DLGAP1: variants seen among roughly 807,000 people sequenced by gnomAD.
DLGAP1 encodes the protein DLG associated protein 1, also known as disks large-associated protein 1.
DLGAP1 carries 11 observed loss-of-function variants against 90.8 expected under a neutral mutation model. The ratio of observed to expected loss-of-function variants is 0.12; its 90% CI spans 0.08 to 0.20. The LOEUF is 0.20. DLGAP1 is among the 10% of genes least tolerant of loss of function. The pLI is 1.00. For missense variants in DLGAP1, 1,050 were observed against 1,333.8 expected (o/e 0.79, Z 3.31); for synonymous variants, 558 against 540.7 (o/e 1.03, Z -0.44).
rs1480972380 is a variant in DLGAP1, at chr18:3,879,487, C to T, written c.582G>A (p.Arg194=). 6.2e-7 allele frequency: 1 copy of T among 1,604,682 alleles called. No homozygotes were observed. ...TCCACCAGCCCGGGGAGGTGCTGGG[C>T]CGGGCCTTGGGCTCCGCGCGCCGCT... is the stretch of plus-strand genomic sequence containing the variant. ...SKERRAEPKA[R]PSTSPGWWSS... The change falls in exon 4 of 13, where the codon CGG becomes CGA. Residue 194 remains arginine (R), a synonymous_variant. Transcript: ENST00000315677. The surrounding 1 kb of genome is among the most constrained non-coding windows in gnomAD (Gnocchi z 6.6).
At chr18:3,507,742 T>TTG (rs1272797494) in intron 11 of DLGAP1, among the ~76,000 whole-genome samples, 29 of 141,682 alleles carry the variant, frequency 2.0e-4, no homozygotes, top group African/African-American at 7.3e-4. Context: ...GAAGGTTTTT[T>TTG]TTTTTTTTTT....
At chr18:4,014,126 C>T (rs2074479808) in intron 2 of DLGAP1, among the ~76,000 whole-genome samples, 1 of 146,010 alleles carries the variant, frequency 6.8e-6, no homozygotes, top group Non-Finnish European at 1.5e-5. Flanking sequence ...ACTCTTGTCG[C>T]CCAGGCTGGA....
chr18:4,013,182 G>T (rs985958836), intron 2 of DLGAP1, among the ~76,000 whole-genome samples: 2 of 152,022 alleles, frequency 1.3e-5, no homozygotes, highest in East Asian at 3.8e-4. Flanking sequence ...GTGCTGTTGG[G>T]GTACCTCAAA....
At chr18:4,044,753 A>C (rs1201111385) in intron 2 of DLGAP1, among the ~76,000 whole-genome samples, 1 of 152,160 alleles carries the variant, frequency 6.6e-6, no homozygotes, top group Non-Finnish European at 1.5e-5. Context: ...AAAACAAAAC[A>C]AAAAACAAAC....
intron 7 of DLGAP1, chr18:3,597,002 C>G (rs374376565): frequency 2.4e-4 from 123 of 520,100 alleles, no homozygotes; most frequent in African/African-American, 2.2e-3. Flanking sequence ...CCCACAGGCT[C>G]TCGGCAAAGG....
At chr18:3,518,477 G>T (rs992821507) in intron 10 of DLGAP1, among the ~76,000 whole-genome samples, 4 of 152,020 alleles carry the variant, frequency 2.6e-5, no homozygotes, top group Non-Finnish European at 5.9e-5. Context: ...AAAAGATGGT[G>T]CTGGTAGACT....
chr18:4,254,061 C>T (rs2078836553), intron 1 of DLGAP1, among the ~76,000 whole-genome samples: 1 of 152,098 alleles, frequency 6.6e-6, no homozygotes, highest in Admixed American at 6.6e-5. Flanking sequence ...CTTTGAAGAT[C>T]AGCACGTTTT....
chr18:3,824,599 T>C (rs575217935), intron 4 of DLGAP1, among the ~76,000 whole-genome samples: 5 of 152,342 alleles, frequency 3.3e-5, no homozygotes, highest in Non-Finnish European at 7.3e-5. Context: ...TAGTCTATTA[T>C]CAATTTTGAA....
chr18:4,302,179 C>G (rs2143281007), intron 1 of DLGAP1, among the ~76,000 whole-genome samples: 1 of 152,190 alleles, frequency 6.6e-6, no homozygotes, highest in Non-Finnish European at 1.5e-5. Context: ...GCTTTTGTTG[C>G]CTGCATTTTT....
chr18:3,988,534 C>T (rs1044936250), intron 3 of DLGAP1, among the ~76,000 whole-genome samples: 1 of 152,138 alleles, frequency 6.6e-6, no homozygotes, highest in Non-Finnish European at 1.5e-5. Context: ...AGCGGGCAAC[C>T]TAGATCCCTT....
chr18:3,879,523 G>C lies in DLGAP1; in HGVS notation c.546C>G (p.Ser182Arg). The change falls in exon 4 of 13, where the codon AGC becomes AGG. Residue 182 changes from serine (S) to arginine (R), a missense_variant. Transcript: ENST00000315677. This position sits in a 1 kb window ranked among gnomAD's most constrained non-coding sequence, Gnocchi z 6.6. ...EAQAARYGKR[S>R]KSKERRAEPK... ...GCTCCGCGCGCCGCTCCTTGCTCTT[G>C]CTGCGTTTGCCATAGCGCGCCGCCT... is the stretch of plus-strand genomic sequence containing the variant. 6.2e-7 allele frequency: 1 copy of C among 1,602,086 alleles called. No individual in the cohort carries two copies. The highest frequency in any genetic ancestry group is 8.5e-7 in the Non-Finnish European group (1 of 1,179,256).
At chr18:4,231,219 T>C (rs975748515) in intron 1 of DLGAP1, among the ~76,000 whole-genome samples, 2 of 152,154 alleles carry the variant, frequency 1.3e-5, no homozygotes, top group African/African-American at 4.8e-5. Flanking sequence ...TTTTTCCTTA[T>C]ATTTAAGCAT....
At chr18:3,935,852 C>T (rs2072625046) in intron 3 of DLGAP1, among the ~76,000 whole-genome samples, 1 of 152,192 alleles carries the variant, frequency 6.6e-6, no homozygotes, top group Non-Finnish European at 1.5e-5. Flanking sequence ...AAGTCTAAGC[C>T]TTTTCCACTC....
chr18:3,740,371 C>A (rs2147627002), intron 6 of DLGAP1, among the ~76,000 whole-genome samples: 1 of 152,110 alleles, frequency 6.6e-6, no homozygotes, highest in Non-Finnish European at 1.5e-5. Context: ...TATCATTGGA[C>A]AAGCAGTAAC....
At chr18:4,132,617 T>C (rs1436922886) in intron 2 of DLGAP1, among the ~76,000 whole-genome samples, 1 of 152,186 alleles carries the variant, frequency 6.6e-6, no homozygotes, top group African/African-American at 2.4e-5. Flanking sequence ...GTCTAACATA[T>C]AAGCATCATA....
chr18:4,415,823 A>C (rs2082887321), intron 1 of DLGAP1, among the ~76,000 whole-genome samples: 1 of 152,186 alleles, frequency 6.6e-6, no homozygotes, highest in Non-Finnish European at 1.5e-5. Context: ...GGAAGAATCT[A>C]ACACACTGAA....
intron 7 of DLGAP1, among the ~76,000 whole-genome samples, chr18:3,585,154 G>A (rs2055801345): frequency 6.6e-6 from 1 of 152,198 alleles, no homozygotes; most frequent in Non-Finnish European, 1.5e-5. Flanking sequence ...GGAAAATACA[G>A]TGCTTGCAAG....
intron 1 of DLGAP1, among the ~76,000 whole-genome samples, chr18:4,382,046 C>A (rs907414915): frequency 1.3e-5 from 2 of 152,106 alleles, no homozygotes; most frequent in African/African-American, 2.4e-5. Context: ...GAAAGACTTG[C>A]CCCCATGATT....
At chr18:3,626,530 G>T (rs1161203832) in intron 7 of DLGAP1, among the ~76,000 whole-genome samples, 1 of 149,600 alleles carries the variant, frequency 6.7e-6, no homozygotes, top group Non-Finnish European at 1.5e-5. Flanking sequence ...GGGGGTCAAG[G>T]CTTCAGTGAG....
Sources: gnomAD v4.1 joint callset for allele counts (sites outside exome capture counted in the v4.1 genomes callset) on GRCh38, gnomAD v4.1.1 for gene constraint, Gnocchi (gnomAD v3.1) non-coding constraint, MANE v1.5 for transcripts, NCBI Gene and HGNC (gene_info 2026-07-23, HGNC 2026-07-21) for gene names.